The following ADCY3 variants were observed in gnomAD, a reference collection of about 807,000 sequenced individuals.
ADCY3 encodes adenylate cyclase 3, also known as adenylate cyclase type 3.
A neutral mutation model predicts 119.4 loss-of-function variants in ADCY3; 70 were observed. That is an observed-to-expected ratio of 0.59 (90% CI 0.48 to 0.72). ADCY3 has a LOEUF of 0.72. Ranked by LOEUF, ADCY3 falls within the 30% of genes least tolerant of loss-of-function variation. The probability of loss-of-function intolerance (pLI) is 0.00; values close to 1 mark genes in which losing one functional copy is unlikely to be tolerated. For synonymous variants in ADCY3, 672 were observed against 621.4 expected (o/e 1.08, Z -1.21); for missense variants, 1,238 against 1,541.6 (o/e 0.80, Z 3.30).
In ADCY3 at chr2:24,918,076, A is replaced by G. The variant is rs1182821010; in HGVS notation, c.675+237T>C. 6.6e-6 allele frequency among the ~76,000 whole-genome samples: 1 copy of G among 152,180 alleles called. No individual in the cohort carries two copies. The highest frequency in any genetic ancestry group is 1.5e-5 in the Non-Finnish European group (1 of 68,014). On this transcript the variant is annotated intron_variant, in intron 2 of 21. Coordinates refer to ENST00000679454, the MANE Select transcript of ADCY3 (RefSeq NM_004036.5). The surrounding 1 kb of genome is among the most constrained non-coding windows in gnomAD (Gnocchi z 5.4). ...ACACACTTAGACTGGGCACAGGTGA[A>G]GAGTGGCCCTGAGGCCCAATGCCCT... is the stretch of plus-strand genomic sequence containing the variant.
intron 2 of ADCY3, among the ~76,000 whole-genome samples, chr2:24,875,233 G>A (rs534952696): frequency 8.8e-4 from 134 of 152,330 alleles, no homozygotes; most frequent in African/African-American, 3.1e-3. Flanking sequence ...CTCTCAACTT[G>A]CCTCAACTGA....
rs1367107296 is a variant in ADCY3, at chr2:24,839,872, C to T, written c.1355+1G>A. 1 of 1,613,810 alleles carries T rather than the reference C, an allele frequency of 6.2e-7. No individual in the cohort carries two copies. Among genetic ancestry groups the T allele is most frequent in the South Asian group, 1.1e-5 (1 of 91,084 alleles). ...ACCTGCCCCCTTGGAATGGCACTCA[C>T]CCAGGGATGCCGCCGGCCTCCATCT... On this transcript the variant is annotated splice_donor_variant, in intron 7 of 21. Coordinates refer to ENST00000679454, the MANE Select transcript of ADCY3 (RefSeq NM_004036.5). LOFTEE classifies it high-confidence loss of function.
intron 13 of ADCY3, 107 bp downstream of exon 13, chr2:24,830,602 A>G: frequency 1.2e-6 from 1 of 805,510 alleles, no homozygotes; most frequent in Non-Finnish European, 2.0e-6. Context: ...CTCCAAAGCT[A>G]CATGACGGTG....
At chr2:24,851,026 G>T (rs1215862757) in intron 3 of ADCY3, among the ~76,000 whole-genome samples, 1 of 152,206 alleles carries the variant, frequency 6.6e-6, no homozygotes, top group Non-Finnish European at 1.5e-5. Context: ...ATAGGGTGCT[G>T]GTGGTTGTTC....
intron 3 of ADCY3, among the ~76,000 whole-genome samples, chr2:24,851,450 A>T (rs891018505): frequency 3.9e-5 from 6 of 152,144 alleles, no homozygotes; most frequent in African/African-American, 1.4e-4. Flanking sequence ...TATGTGCAAT[A>T]TTGTCTCAAG....
rs1250631288 is a variant in ADCY3 at position 24,878,928 on chromosome 2, C to T, written c.676-6209G>A. Among the ~76,000 whole-genome samples, 1 of 152,242 alleles carries T rather than the reference C, an allele frequency of 6.6e-6. No homozygotes were observed. Among genetic ancestry groups the T allele is most frequent in the African/African-American group, 2.4e-5 (1 of 41,454 alleles). On this transcript the variant is annotated intron_variant, in intron 2 of 21. Coordinates refer to ENST00000679454, the MANE Select transcript of ADCY3 (RefSeq NM_004036.5). The surrounding 1 kb of genome is among the most constrained non-coding windows in gnomAD (Gnocchi z 4.0). ...CTTCTCTGTCCTCACTCCTTCGCCT[C>T]GTCGCCTGGAAAGCAAACTCCATGC...
At position 24,865,489 on chromosome 2, in the gene ADCY3, C is replaced by CTGTGTGTGTG. The variant is rs3222240; in HGVS notation, c.825+7071_825+7080dup. On this transcript the variant is annotated intron_variant, in intron 3 of 21. Coordinates refer to ENST00000679454, the MANE Select transcript of ADCY3 (RefSeq NM_004036.5). The stretch of plus-strand genomic sequence containing the variant: ...TACAAAAGAGTGAATAGGCTATCAT[C>CTGTGTGTGTG]TGTGTGTGTGTGTGTGTGTGTGTGT... Among the ~76,000 whole-genome samples the CTGTGTGTGTG allele has an allele frequency of 4.3e-3, 605 of 140,518 alleles. 2 individuals carry two copies. Among genetic ancestry groups the CTGTGTGTGTG allele is most frequent in the Non-Finnish European group, 6.9e-3 (442 of 64,150 alleles). The allele number at this position is 140,518 out of a possible 152,430, so 92.2% of individuals were successfully genotyped here.
chr2:24,822,717 C>T, intron 18 of ADCY3, 87 bp from the exon 19 acceptor site: 1 of 1,523,896 alleles, frequency 6.6e-7, no homozygotes, highest in Non-Finnish European at 8.9e-7. Context: ...TTTACAAGGA[C>T]CCCACTAAAC....
At chr2:24,866,166 A>G (rs1020525458) in intron 3 of ADCY3, among the ~76,000 whole-genome samples, 3 of 152,214 alleles carry the variant, frequency 2.0e-5, no homozygotes, top group Non-Finnish European at 4.4e-5. Flanking sequence ...CCATGAGAAA[A>G]GCACCAGCCT....
intron 3 of ADCY3, among the ~76,000 whole-genome samples, chr2:24,865,761 C>A (rs1189631060): frequency 6.6e-6 from 1 of 152,026 alleles, no homozygotes; most frequent in African/African-American, 2.4e-5. Context: ...GGATAAAATA[C>A]ATAAAAAGAA....
chr2:24,870,868 T>C (rs1216941562), intron 3 of ADCY3, among the ~76,000 whole-genome samples: 1 of 152,172 alleles, frequency 6.6e-6, no homozygotes, highest in Non-Finnish European at 1.5e-5. Flanking sequence ...AAGACAAATG[T>C]CAATACCTCC....
At chr2:24,879,659 T>C (rs1676153765) in intron 2 of ADCY3, among the ~76,000 whole-genome samples, 1 of 152,184 alleles carries the variant, frequency 6.6e-6, no homozygotes, top group Non-Finnish European at 1.5e-5. Context: ...GGGCAGAGTT[T>C]TCTTATTCTC....
chr2:24,822,676 G>A, intron 18 of ADCY3, 46 bp from the exon 19 acceptor site: 18 of 1,605,364 alleles, frequency 1.1e-5, no homozygotes, highest in Non-Finnish European at 1.5e-5. Context: ...CAAGGGAGAG[G>A]AATGACCCAA....
chr2:24,917,774 T>C (rs1378278734), intron 2 of ADCY3, among the ~76,000 whole-genome samples: 1 of 152,126 alleles, frequency 6.6e-6, no homozygotes, highest in East Asian at 1.9e-4. Flanking sequence ...GCAGGAAATA[T>C]GACAACTGCG....
At chr2:24,825,074 T>A (rs1044628747) in intron 16 of ADCY3, among the ~76,000 whole-genome samples, 3 of 152,140 alleles carry the variant, frequency 2.0e-5, no homozygotes, top group Non-Finnish European at 4.4e-5. Context: ...CTTCCGTGTG[T>A]AGGGGGCCTC....
chr2:24,896,384 CAA>C (rs57986345), intron 2 of ADCY3, among the ~76,000 whole-genome samples: 1 of 142,396 alleles, frequency 7.0e-6, no homozygotes. Flanking sequence ...GATTCTGTTA[CAA>C]AAAAAAAAAA....
chr2:24,869,602 C>T (rs1350988625), intron 3 of ADCY3, among the ~76,000 whole-genome samples: 1 of 151,994 alleles, frequency 6.6e-6, no homozygotes, highest in Admixed American at 6.6e-5. Flanking sequence ...GATGGGGTCT[C>T]GCTTTGTTGC....
Position 24,830,201 on chromosome 2 carries a change from T to C in ADCY3, c.2172+508A>G, listed in dbSNP as rs190127922. 2.6e-5 allele frequency among the ~76,000 whole-genome samples: 4 copies of C among 151,178 alleles called. 1 individual carries two copies. The highest frequency in any genetic ancestry group is 5.9e-5 in the Non-Finnish European group (4 of 67,802). On this transcript the variant is annotated intron_variant, in intron 13 of 21. Transcript: ENST00000679454. The stretch of plus-strand genomic sequence containing the variant: ...GATTACAGGTGTGCACCACCATGCC[T>C]GGCTAATTTTTGTATTTTTAGTACA...
Position 24,819,771 on chromosome 2 carries a change from C to T in ADCY3, c.*161G>A. 1.4e-6 allele frequency: 1 copy of T among 738,978 alleles called. No individual in the cohort carries two copies. Among genetic ancestry groups the T allele is most frequent in the Non-Finnish European group, 2.2e-6 (1 of 453,362 alleles). 45.8% of individuals were successfully genotyped at this position (738,978 alleles called of 1,614,324 possible). A position where few individuals can be genotyped will look rare whatever the true frequency, so the allele number is the denominator to read the frequency against. On this transcript the variant is annotated 3_prime_UTR_variant, in exon 22 of 22. Coordinates refer to ENST00000679454, the MANE Select transcript of ADCY3 (RefSeq NM_004036.5). ...CAGGCACACACAGGAATAGCAGGGCCACCCTCAGAGCTCACACATCCACGA... is the reference window on the plus strand; with the variant it reads ...CAGGCACACACAGGAATAGCAGGGCTACCCTCAGAGCTCACACATCCACGA...
Sources: gnomAD v4.1 joint callset for allele counts (sites outside exome capture counted in the v4.1 genomes callset) on GRCh38, gnomAD v4.1.1 for gene constraint, Gnocchi (gnomAD v3.1) non-coding constraint, MANE v1.5 for transcripts, NCBI Gene and HGNC (gene_info 2026-07-23, HGNC 2026-07-21) for gene names.